The following PDGFC variants were observed in gnomAD, a reference collection of about 807,000 sequenced individuals.
PDGFC encodes the protein platelet derived growth factor C.
PDGFC carries 12 observed loss-of-function variants against 35.5 expected under a neutral mutation model. The ratio of observed to expected loss-of-function variants is 0.34; its 90% CI spans 0.22 to 0.55. PDGFC has a LOEUF of 0.55. Ranked by LOEUF, PDGFC falls within the 20% of genes least tolerant of loss-of-function variation. The pLI is 0.91. For missense variants in PDGFC, 322 were observed against 412.4 expected (o/e 0.78, Z 1.90); for synonymous variants, 159 against 148.8 (o/e 1.07, Z -0.50).
intron 3 of PDGFC, among the ~76,000 whole-genome samples, chr4:156,797,242 A>G (rs1394401553): frequency 6.6e-6 from 1 of 151,980 alleles, no homozygotes; most frequent in African/African-American, 2.4e-5. Flanking sequence ...AGTCTAAAAA[A>G]AAAAAAGAAA....
At chr4:156,863,385 A>T (rs1392809450) in intron 1 of PDGFC, among the ~76,000 whole-genome samples, 2 of 152,174 alleles carry the variant, frequency 1.3e-5, no homozygotes, top group Non-Finnish European at 2.9e-5. Context: ...TGTGTGATTA[A>T]TTCACAAGTG....
At chr4:156,842,242 C>T (rs754383159) in intron 2 of PDGFC, 4 of 152,090 alleles carry the variant, frequency 2.6e-5, no homozygotes, top group Non-Finnish European at 5.9e-5. Context: ...ATAAAAAGCA[C>T]TGGGACGATT....
At position 156,837,237 on chromosome 4, in the gene PDGFC, G is replaced by A. The variant is rs532270965; in HGVS notation, c.314+12984C>T. On this transcript the variant is annotated intron_variant, in intron 2 of 5. Coordinates refer to ENST00000502773, the MANE Select transcript of PDGFC (RefSeq NM_016205.3). ...TTTTAATAATTAGTGTTCTAGGCTA[G>A]GCGTGGTGGCACATGCCTGCAATCC... Among the ~76,000 whole-genome samples, 18 of 152,252 alleles carry A rather than the reference G, an allele frequency of 1.2e-4. 1 individual carries two copies. In the South Asian group the frequency reaches 3.5e-3, roughly 30 times the overall value.
chr4:156,865,989 G>T (rs1366566683), intron 1 of PDGFC, among the ~76,000 whole-genome samples: 1 of 151,876 alleles, frequency 6.6e-6, no homozygotes, highest in Admixed American at 6.6e-5. Flanking sequence ...AAGTTTTAGG[G>T]TACATGTGCA....
intron 1 of PDGFC, among the ~76,000 whole-genome samples, chr4:156,895,706 G>A (rs1031143891): frequency 6.6e-6 from 1 of 151,456 alleles, no homozygotes; most frequent in Non-Finnish European, 1.5e-5. Context: ...TCAAAGAGAT[G>A]AAAAAATCTA....
intron 1 of PDGFC, among the ~76,000 whole-genome samples, chr4:156,937,439 C>A (rs1285560492): frequency 6.6e-6 from 1 of 152,138 alleles, no homozygotes; most frequent in Admixed American, 6.5e-5. Flanking sequence ...CGGTGGCTCA[C>A]TGGTAACCCC....
intron 1 of PDGFC, among the ~76,000 whole-genome samples, chr4:156,940,575 G>T (rs934801512): frequency 2.6e-5 from 4 of 152,066 alleles, no homozygotes; most frequent in African/African-American, 9.7e-5. Flanking sequence ...GAAGAGATCT[G>T]TGCCTTTTTG....
chr4:156,785,657 AG>A, intron 3 of PDGFC, among the ~76,000 whole-genome samples: 1 of 152,220 alleles, frequency 6.6e-6, no homozygotes, highest in Admixed American at 6.6e-5. Context: ...TACAGGTGAG[AG>A]ATGACCGACT....
chr4:156,812,577 T>G (rs1037867819), intron 2 of PDGFC, among the ~76,000 whole-genome samples: 1 of 152,094 alleles, frequency 6.6e-6, no homozygotes, highest in Admixed American at 6.6e-5. Flanking sequence ...CCAAAAATAC[T>G]ACATTTTACG....
At chr4:156,812,773 G>A (rs1437937182) in intron 2 of PDGFC, among the ~76,000 whole-genome samples, 1 of 152,008 alleles carries the variant, frequency 6.6e-6, no homozygotes. Context: ...TTGAAGAAAG[G>A]AAAAATGGGA....
intron 3 of PDGFC, among the ~76,000 whole-genome samples, chr4:156,792,006 C>G (rs999511761): frequency 3.9e-5 from 6 of 152,030 alleles, no homozygotes; most frequent in Admixed American, 2.0e-4. Flanking sequence ...GTTTATTATT[C>G]AAAGAGATCA....
At chr4:156,861,837 C>T (rs1205829693) in intron 1 of PDGFC, among the ~76,000 whole-genome samples, 1 of 152,140 alleles carries the variant, frequency 6.6e-6, no homozygotes, top group East Asian at 1.9e-4. Flanking sequence ...CTCAAAATTG[C>T]AGGTTACTAG....
intron 5 of PDGFC, among the ~76,000 whole-genome samples, chr4:156,766,273 T>C (rs1288256966): frequency 6.6e-6 from 1 of 152,146 alleles, no homozygotes; most frequent in Non-Finnish European, 1.5e-5. Context: ...TCTAAGTTTA[T>C]ACATATATAA....
At chr4:156,862,951 C>T (rs1051679041) in intron 1 of PDGFC, among the ~76,000 whole-genome samples, 1 of 152,004 alleles carries the variant, frequency 6.6e-6, no homozygotes, top group African/African-American at 2.4e-5. Context: ...CCTCAGCCTC[C>T]CAAAGTACTT....
intron 4 of PDGFC, among the ~76,000 whole-genome samples, chr4:156,769,722 G>A (rs970089867): frequency 3.3e-5 from 5 of 151,926 alleles, no homozygotes; most frequent in Non-Finnish European, 7.4e-5. Context: ...AAAGTAATGA[G>A]CTCATTATGC....
intron 3 of PDGFC, among the ~76,000 whole-genome samples, chr4:156,802,836 T>C (rs749810524): frequency 7.9e-5 from 12 of 152,202 alleles, no homozygotes; most frequent in Non-Finnish European, 1.5e-4. Context: ...GCTTAAATTC[T>C]AGACTTAATC....
chr4:156,766,785 T>C (rs1730541250), intron 5 of PDGFC, among the ~76,000 whole-genome samples: 1 of 152,088 alleles, frequency 6.6e-6, no homozygotes, highest in South Asian at 2.1e-4. Flanking sequence ...CCTTCACCAA[T>C]ATTGTGTTGG....
intron 1 of PDGFC, among the ~76,000 whole-genome samples, chr4:156,883,413 T>G (rs1243811195): frequency 6.6e-6 from 1 of 152,220 alleles, no homozygotes; most frequent in Non-Finnish European, 1.5e-5. Flanking sequence ...AGACTCTTAG[T>G]GTACAACTCA....
At chr4:156,779,959 G>C (rs191901324) in intron 3 of PDGFC, among the ~76,000 whole-genome samples, 21 of 152,268 alleles carry the variant, frequency 1.4e-4, no homozygotes, top group African/African-American at 5.1e-4. Context: ...TGGTGAGTCA[G>C]AGTCAATACA....
Sources: gnomAD v4.1 joint callset for allele counts (sites outside exome capture counted in the v4.1 genomes callset) on GRCh38, gnomAD v4.1.1 for gene constraint, MANE v1.5 for transcripts, NCBI Gene and HGNC (gene_info 2026-07-23, HGNC 2026-07-21) for gene names.